Variants in ANO3 observed in about 807,000 individuals in gnomAD.
ANO3 encodes anoctamin-3.
A neutral mutation model predicts 144.8 loss-of-function variants in ANO3; 99 were observed. The observed-to-expected ratio is 0.68, with a 90% confidence interval of 0.58 to 0.81. ANO3 has a LOEUF of 0.81. ANO3 is among the 30% of genes least tolerant of loss of function. The probability of loss-of-function intolerance (pLI) is 0.00; values close to 1 mark genes in which losing one functional copy is unlikely to be tolerated. For missense variants in ANO3, 905 were observed against 1,202.2 expected (o/e 0.75, Z 3.66); for synonymous variants, 414 against 392.6 (o/e 1.05, Z -0.64).
intron 1 of ANO3, among the ~76,000 whole-genome samples, chr11:26,243,292 T>C (rs1590212319): frequency 6.6e-6 from 1 of 152,224 alleles, no homozygotes; most frequent in East Asian, 1.9e-4. Context: ...ACCCTCTCTC[T>C]CTCACTCTCA....
chr11:26,336,265 A>G (rs1431452643), intron 1 of ANO3, among the ~76,000 whole-genome samples: 2 of 152,180 alleles, frequency 1.3e-5, no homozygotes, highest in Admixed American at 6.5e-5. Context: ...CTCTTTACCA[A>G]TACAGCTACC....
intron 1 of ANO3, among the ~76,000 whole-genome samples, chr11:26,321,482 C>G (rs1166475725): frequency 6.6e-6 from 1 of 151,948 alleles, no homozygotes; most frequent in African/African-American, 2.4e-5. Flanking sequence ...GTATATTTTA[C>G]TCATAAATCT....
At chr11:26,641,851 G>A in intron 21 of ANO3, 45 bp from the exon 22 acceptor site, 1 of 1,582,752 alleles carries the variant, frequency 6.3e-7, no homozygotes, top group Non-Finnish European at 8.6e-7. Flanking sequence ...TTAACCAGAT[G>A]CTTGAATCAG....
chr11:26,566,223 A>G (rs952720848), intron 14 of ANO3, among the ~76,000 whole-genome samples: 8 of 152,128 alleles, frequency 5.3e-5, no homozygotes, highest in Non-Finnish European at 1.0e-4. Flanking sequence ...ACATACACGT[A>G]TATTTAAAAC....
chr11:26,297,184 C>CGG (rs1854111021), intron 1 of ANO3, among the ~76,000 whole-genome samples: 1 of 146,432 alleles, frequency 6.8e-6, no homozygotes, highest in African/African-American at 2.5e-5. Context: ...TCAACCATTG[C>CGG]GTGTGTGTGT....
intron 4 of ANO3, among the ~76,000 whole-genome samples, chr11:26,506,478 T>C (rs1861440527): frequency 6.6e-6 from 1 of 152,196 alleles, no homozygotes; most frequent in Admixed American, 6.5e-5. Flanking sequence ...ATTTGATAAG[T>C]GATAGCTACT....
chr11:26,329,766 G>A (rs1854988848), upstream of ANO3, among the ~76,000 whole-genome samples: 4 of 152,166 alleles, frequency 2.6e-5, no homozygotes, highest in South Asian at 8.3e-4. Context: ...TCTTAGGAAG[G>A]TAAAGGTGAT....
intron 4 of ANO3, among the ~76,000 whole-genome samples, chr11:26,480,679 G>T (rs999586016): frequency 1.3e-5 from 2 of 151,902 alleles, no homozygotes; most frequent in East Asian, 1.9e-4. Context: ...GTGGTGGCTC[G>T]TACCTGTAGA....
chr11:26,536,562 T>C (rs1024394869), intron 9 of ANO3, among the ~76,000 whole-genome samples: 1 of 151,998 alleles, frequency 6.6e-6, no homozygotes, highest in African/African-American at 2.4e-5. Context: ...TGTGTGTACA[T>C]ATAAATTAGA....
At position 26,595,460 on chromosome 11, in the gene ANO3, G is replaced by GTTTTTTTTTTTTTTTTTTT. The variant is rs201712393; in HGVS notation, c.1448-2896_1448-2878dup. On this transcript the variant is annotated intron_variant, in intron 14 of 26. Coordinates refer to ENST00000256737, the MANE Select transcript of ANO3 (RefSeq NM_031418.4). The stretch of plus-strand genomic sequence containing the variant: ...TTTGACTCAGTATTGAGATAGAGTT[G>GTTTTTTTTTTTTTTTTTTT]TTTTTTTTTTTTTTTTTTTTTTTTT... 1.8e-4 allele frequency among the ~76,000 whole-genome samples: 18 copies of GTTTTTTTTTTTTTTTTTTT among 101,382 alleles called. 1 individual carries two copies. Among genetic ancestry groups the GTTTTTTTTTTTTTTTTTTT allele is most frequent in the African/African-American group, 4.6e-4 (11 of 23,950 alleles). The allele number at this position is 101,382 out of a possible 152,430, so 66.5% of individuals were successfully genotyped here.
intron 17 of ANO3, among the ~76,000 whole-genome samples, chr11:26,610,828 G>A (rs1333348408): frequency 1.3e-5 from 2 of 152,026 alleles, no homozygotes; most frequent in African/African-American, 2.4e-5. Context: ...CATTATTGGA[G>A]TGTCCAGATC....
chr11:26,650,419 G>A (rs1205700190), intron 24 of ANO3, among the ~76,000 whole-genome samples: 1 of 151,892 alleles, frequency 6.6e-6, no homozygotes, highest in Admixed American at 6.6e-5. Context: ...CTTAACATGT[G>A]GTCTGCAGAT....
intron 4 of ANO3, among the ~76,000 whole-genome samples, chr11:26,480,261 T>G (rs926212945): frequency 6.6e-6 from 1 of 152,180 alleles, no homozygotes; most frequent in Non-Finnish European, 1.5e-5. Flanking sequence ...GAGCCTCTGC[T>G]GGGGGTGCTA....
In ANO3 at chr11:26,531,263, G is replaced by A; in HGVS notation, c.796G>A (p.Asp266Asn). ...GATGGCCCAAAACCCAATGGTTCTTGACAAGTCAGCTTTTCCAGACCTAGA... is the reference window on the plus strand; with the variant it reads ...GATGGCCCAAAACCCAATGGTTCTTAACAAGTCAGCTTTTCCAGACCTAGA... ...NWMAQNPMVL[D>N]KSAFPDLEES... The change falls in exon 8 of 27, where the codon GAC (aspartate) becomes AAC (asparagine). Residue 266 changes from aspartate (D) to asparagine (N), a missense_variant. By Grantham distance (23) the Asp-to-Asn change is conservative. Coordinates refer to ENST00000256737, the MANE Select transcript of ANO3 (RefSeq NM_031418.4). 2.5e-6 allele frequency: 4 copies of A among 1,614,072 alleles called. No homozygotes were observed. Among genetic ancestry groups the A allele is most frequent in the Non-Finnish European group, 3.4e-6 (4 of 1,180,004 alleles).
intron 1 of ANO3, among the ~76,000 whole-genome samples, chr11:26,374,191 T>C (rs1236085950): frequency 6.6e-6 from 1 of 152,252 alleles, no homozygotes; most frequent in Middle Eastern, 3.2e-3. Context: ...ATTCCTTTTA[T>C]GGTATTCTCA....
intron 1 of ANO3, among the ~76,000 whole-genome samples, chr11:26,234,198 T>C (rs1028685963): frequency 1.1e-4 from 16 of 152,226 alleles, no homozygotes; most frequent in African/African-American, 3.9e-4. Context: ...TTGGTAACCA[T>C]TGCGTTTTCC....
At chr11:26,535,184 G>C (rs1849473033) in intron 9 of ANO3, among the ~76,000 whole-genome samples, 1 of 152,138 alleles carries the variant, frequency 6.6e-6, no homozygotes. Context: ...AAAAACTCTA[G>C]AAGAATATGT....
At chr11:26,401,759 C>T (rs982034367) in intron 1 of ANO3, among the ~76,000 whole-genome samples, 2 of 151,950 alleles carry the variant, frequency 1.3e-5, no homozygotes, top group Admixed American at 6.6e-5. Flanking sequence ...TGTCTACAGT[C>T]CCAGCCACTT....
intron 7 of ANO3, among the ~76,000 whole-genome samples, chr11:26,528,252 A>C (rs1056730957): frequency 1.3e-5 from 2 of 152,148 alleles, no homozygotes; most frequent in African/African-American, 4.8e-5. Flanking sequence ...TAATTCTCAA[A>C]ATATTTCTTT....
Sources: allele counts gnomAD v4.1 joint callset (sites outside exome capture counted in the v4.1 genomes callset), GRCh38; gene constraint gnomAD v4.1.1; transcripts MANE v1.5; gene names NCBI Gene and HGNC (gene_info 2026-07-23, HGNC 2026-07-21).